MAST4: variants seen among roughly 807,000 people sequenced by gnomAD.
The protein encoded by MAST4 is microtubule associated serine/threonine kinase family member 4, also known as microtubule-associated serine/threonine-protein kinase 4.
A neutral mutation model predicts 162.7 loss-of-function variants in MAST4; 89 were observed. The observed-to-expected ratio is 0.55, with a 90% CI of 0.46 to 0.65. The LOEUF is 0.65. Ranked by LOEUF, MAST4 falls within the 30% of genes least tolerant of loss-of-function variation. The probability of loss-of-function intolerance (pLI) is 0.00; values close to 1 mark genes in which losing one functional copy is unlikely to be tolerated. For synonymous variants in MAST4, 1,479 were observed against 1,361.1 expected (o/e 1.09, Z -1.91); for missense variants, 3,153 against 3,374.0 (o/e 0.93, Z 1.62).
At chr5:66,675,755 T>C (rs1323336097) in intron 1 of MAST4, among the ~76,000 whole-genome samples, 2 of 152,170 alleles carry the variant, frequency 1.3e-5, no homozygotes, top group Middle Eastern at 3.2e-3. Flanking sequence ...AACAAAGACC[T>C]GAATCTAACA....
chr5:66,644,246 T>G (rs1745676725), intron 1 of MAST4, among the ~76,000 whole-genome samples: 1 of 152,154 alleles, frequency 6.6e-6, no homozygotes, highest in Non-Finnish European at 1.5e-5. Context: ...CAGCTTTATG[T>G]AATAGGGATT....
chr5:66,899,666 G>T (rs911700544), intron 3 of MAST4, among the ~76,000 whole-genome samples: 1 of 152,040 alleles, frequency 6.6e-6, no homozygotes, highest in Non-Finnish European at 1.5e-5. Context: ...CAGTTGTAGG[G>T]CCGTGTAACT....
At chr5:66,606,627 TAC>T (rs944787826) in intron 1 of MAST4, among the ~76,000 whole-genome samples, 3 of 152,234 alleles carry the variant, frequency 2.0e-5, no homozygotes, top group African/African-American at 7.2e-5. Context: ...TTGTAGTACT[TAC>T]AGTTTGCACA....
chr5:67,098,629 T>C (rs1438247555), intron 7 of MAST4, among the ~76,000 whole-genome samples: 1 of 152,180 alleles, frequency 6.6e-6, no homozygotes, highest in Non-Finnish European at 1.5e-5. Flanking sequence ...GACTAAATGC[T>C]TACTGAATGA....
At chr5:67,158,772 T>A (rs201453056) in intron 26 of MAST4, among the ~76,000 whole-genome samples, 2 of 152,204 alleles carry the variant, frequency 1.3e-5, no homozygotes, top group East Asian at 3.8e-4. Context: ...CGGTAGCTCA[T>A]GCCTGTAATC....
intron 4 of MAST4, among the ~76,000 whole-genome samples, chr5:66,941,297 C>T (rs781287583): frequency 1.3e-5 from 2 of 152,128 alleles, no homozygotes; most frequent in Non-Finnish European, 2.9e-5. Flanking sequence ...CTATGAAAGT[C>T]CCAGAAGGCT....
At chr5:66,609,766 C>G (rs1461350959) in intron 1 of MAST4, among the ~76,000 whole-genome samples, 5 of 147,600 alleles carry the variant, frequency 3.4e-5, no homozygotes, top group African/African-American at 1.0e-4. Flanking sequence ...CTGGACTAAG[C>G]TATTGGTGAG....
intron 1 of MAST4, among the ~76,000 whole-genome samples, chr5:66,655,141 A>C (rs1746465529): frequency 6.6e-6 from 1 of 152,190 alleles, no homozygotes; most frequent in Non-Finnish European, 1.5e-5. Flanking sequence ...ATCAGCTCAG[A>C]CATGTTGCAT....
intron 2 of MAST4, among the ~76,000 whole-genome samples, chr5:66,773,151 AAGTC>A (rs1327095595): frequency 6.6e-6 from 1 of 152,236 alleles, no homozygotes; most frequent in Middle Eastern, 3.2e-3. Flanking sequence ...TGCTGACTCT[AAGTC>A]AGTTCCACAG....
intron 4 of MAST4, among the ~76,000 whole-genome samples, chr5:66,902,141 G>A (rs574740124): frequency 6.6e-6 from 1 of 152,126 alleles, no homozygotes; most frequent in Non-Finnish European, 1.5e-5. Flanking sequence ...GTTTGCTTCT[G>A]CTGTTCTTTT....
chr5:66,831,359 T>TA (rs1222356240), intron 3 of MAST4, among the ~76,000 whole-genome samples: 1 of 152,162 alleles, frequency 6.6e-6, no homozygotes, highest in African/African-American at 2.4e-5. Flanking sequence ...AATAGATACA[T>TA]AGTATGTGAG....
chr5:66,821,129 A>G (rs2149733260), intron 3 of MAST4, among the ~76,000 whole-genome samples: 2 of 152,308 alleles, frequency 1.3e-5, no homozygotes, highest in East Asian at 3.9e-4. Context: ...AGAAAATGCT[A>G]CTCTGGATAA....
At chr5:66,661,594 T>G (rs1487593775) in intron 1 of MAST4, among the ~76,000 whole-genome samples, 2 of 152,240 alleles carry the variant, frequency 1.3e-5, no homozygotes, top group Non-Finnish European at 2.9e-5. Context: ...CTATAGTATT[T>G]GTTGCACTAC....
At chr5:66,656,118 T>C (rs1052193138) in intron 1 of MAST4, among the ~76,000 whole-genome samples, 2 of 152,202 alleles carry the variant, frequency 1.3e-5, no homozygotes, top group African/African-American at 4.8e-5. Flanking sequence ...GCAGGCTTGG[T>C]GCAGGCAGCC....
chr5:66,655,317 A>G (rs1189315616), intron 1 of MAST4, among the ~76,000 whole-genome samples: 5 of 152,250 alleles, frequency 3.3e-5, no homozygotes, highest in African/African-American at 1.2e-4. Context: ...AGGAGTCGAA[A>G]GAAATGGAAG....
intron 1 of MAST4, among the ~76,000 whole-genome samples, chr5:66,693,298 G>T (rs1411605714): frequency 6.6e-6 from 1 of 152,030 alleles, no homozygotes; most frequent in Non-Finnish European, 1.5e-5. Context: ...CAGTTGTAAG[G>T]CATCTAAAAA....
intron 4 of MAST4, among the ~76,000 whole-genome samples, chr5:66,959,872 T>A (rs181761917): frequency 6.6e-6 from 1 of 152,156 alleles, no homozygotes; most frequent in East Asian, 1.9e-4. Flanking sequence ...TTTTTTTTTT[T>A]AACCCATTAA....
chr5:66,626,816 A>C (rs543067842), intron 1 of MAST4, among the ~76,000 whole-genome samples: 6 of 152,256 alleles, frequency 3.9e-5, no homozygotes, highest in African/African-American at 1.4e-4. Flanking sequence ...TGAGGAAAAA[A>C]GTTGGATAAA....
Position 67,142,117 on chromosome 5 carries a change from G to T in MAST4, c.2497G>T (p.Gly833Cys). The T allele has an allele frequency of 6.2e-7, 1 of 1,613,510 alleles. No individual in the cohort carries two copies. Among genetic ancestry groups the T allele is most frequent in the South Asian group, 1.1e-5 (1 of 91,050 alleles). The stretch of plus-strand genomic sequence containing the variant: ...TGTCTCTACCTGCCCCCTTCCAGGT[G>T]GTGCATATGAAGTCAAACAGCATCG... ...QNPLERLGTG[G>C]AYEVKQHRFF... The change falls in exon 20 of 29, where the codon GGT becomes TGT. Residue 833 changes from glycine (G) to cysteine (C), a missense_variant and splice_region_variant. This residue lies in a region of MAST4 where 62 missense variants were observed against 63.1 expected (regional missense o/e 0.98). Transcript: ENST00000403625.
Sources: gnomAD v4.1 joint callset for allele counts (sites outside exome capture counted in the v4.1 genomes callset) on GRCh38, gnomAD v4.1.1 for gene constraint, gnomAD v4.1.1 regional missense constraint, MANE v1.5 for transcripts, NCBI Gene and HGNC (gene_info 2026-07-23, HGNC 2026-07-21) for gene names.